The following FDX1 variants were observed in gnomAD, a reference collection of about 807,000 sequenced individuals.
The protein encoded by FDX1 is adrenodoxin, mitochondrial.
In FDX1, 9 loss-of-function variants were observed where a neutral mutation model predicts 14.9. The ratio of observed to expected loss-of-function variants is 0.60; its 90% confidence interval spans 0.36 to 1.05. The LOEUF is 1.05. FDX1 is among the 50% of genes least tolerant of loss of function. The pLI is 0.01. For synonymous variants in FDX1, 92 were observed against 99.4 expected (o/e 0.93, Z 0.44); for missense variants, 204 against 237.2 (o/e 0.86, Z 0.92).
At chr11:110,441,388 C>T (rs1273065086) in intron 2 of FDX1, among the ~76,000 whole-genome samples, 1 of 152,160 alleles carries the variant, frequency 6.6e-6, no homozygotes, top group East Asian at 1.9e-4. Flanking sequence ...TTGGAACTCC[C>T]TAGAGACTTG....
At chr11:110,434,324 C>T (rs979036483) in intron 1 of FDX1, among the ~76,000 whole-genome samples, 43 of 135,878 alleles carry the variant, frequency 3.2e-4, no homozygotes, top group African/African-American at 8.9e-4. Context: ...GAAAAGCAAT[C>T]GCCCTATTGA....
At chr11:110,430,525 T>G (rs1017725993) in intron 1 of FDX1, among the ~76,000 whole-genome samples, 3 of 152,106 alleles carry the variant, frequency 2.0e-5, no homozygotes, top group East Asian at 1.9e-4. Context: ...AGAGTTCCTT[T>G]CCGCATCACC....
chr11:110,444,913 G>A (rs188662991), intron 2 of FDX1, among the ~76,000 whole-genome samples: 86 of 151,298 alleles, frequency 5.7e-4, no homozygotes, highest in African/African-American at 1.8e-3. Flanking sequence ...GCCCTGAATC[G>A]TTTCCTGGGC....
In FDX1 at chr11:110,430,301, A is replaced by G; in HGVS notation, c.181A>G (p.Ser61Gly). 1 of 1,195,822 alleles carries G rather than the reference A, an allele frequency of 8.4e-7. No individual in the cohort carries two copies. 74.1% of individuals were successfully genotyped at this position (1,195,822 alleles called of 1,614,324 possible). A position where few individuals can be genotyped will look rare whatever the true frequency, so the allele number is the denominator to read the frequency against. The change falls in exon 1 of 4, where the codon AGC becomes GGC. Residue 61 changes from serine (S) to glycine (G), a missense_variant. Ser to Gly is a moderately conservative substitution (Grantham distance 56). Transcript: ENST00000260270. ...RSLSVSARAR[S>G]SSEDKITVHF... ...GCTGAGCGTGTCGGCGCGGGCCCGG[A>G]GCAGGTAGGGCGCCGTGCGGGCGCG...
At chr11:110,439,295 C>A (rs577424857) in intron 2 of FDX1, among the ~76,000 whole-genome samples, 3 of 152,116 alleles carry the variant, frequency 2.0e-5, no homozygotes, top group African/African-American at 7.2e-5. Flanking sequence ...GCACCCTTCA[C>A]CTCCTGGGTT....
chr11:110,437,755 G>A (rs1227820955), intron 2 of FDX1, among the ~76,000 whole-genome samples: 1 of 152,166 alleles, frequency 6.6e-6, no homozygotes, highest in Non-Finnish European at 1.5e-5. Context: ...TAGGCAGTAG[G>A]CTTAGAAACC....
At chr11:110,444,250 T>C (rs894070449) in intron 2 of FDX1, among the ~76,000 whole-genome samples, 1 of 151,884 alleles carries the variant, frequency 6.6e-6, no homozygotes, top group Non-Finnish European at 1.5e-5. Context: ...AGGTAGGGAG[T>C]CCAAGTTCAG....
chr11:110,431,496 C>G (rs1033519118), intron 1 of FDX1, among the ~76,000 whole-genome samples: 5 of 152,146 alleles, frequency 3.3e-5, no homozygotes, highest in African/African-American at 1.2e-4. Flanking sequence ...CTAGTGGGTG[C>G]TCCATACATT....
chr11:110,447,947 G>T (rs1020942358), intron 2 of FDX1, among the ~76,000 whole-genome samples: 5 of 152,188 alleles, frequency 3.3e-5, no homozygotes, highest in Non-Finnish European at 7.3e-5. Flanking sequence ...ATTCCTCATT[G>T]TATACGAAAT....
rs1393584162 is a variant in FDX1, at chr11:110,464,667, A to G, written c.*2199A>G. On this transcript the variant is annotated 3_prime_UTR_variant, in exon 4 of 4. Coordinates refer to ENST00000260270, the MANE Select transcript of FDX1 (RefSeq NM_004109.5). ...TATAATTTTAAAGTACTTCAAAGCCAATTTATTCTCTTAATTAGCTTCATT... is the reference window on the plus strand; with the variant it reads ...TATAATTTTAAAGTACTTCAAAGCCGATTTATTCTCTTAATTAGCTTCATT... 1 of 152,180 alleles carries G rather than the reference A, an allele frequency of 6.6e-6. No individual in the cohort carries two copies. Among genetic ancestry groups the G allele is most frequent in the Non-Finnish European group, 1.5e-5 (1 of 68,024 alleles). 9.4% of individuals were successfully genotyped at this position (152,180 alleles called of 1,614,324 possible). A position where few individuals can be genotyped will look rare whatever the true frequency, so the allele number is the denominator to read the frequency against.
At chr11:110,442,577 C>T (rs1946411768) in intron 2 of FDX1, among the ~76,000 whole-genome samples, 1 of 152,212 alleles carries the variant, frequency 6.6e-6, no homozygotes, top group Non-Finnish European at 1.5e-5. Context: ...TGACCGATTT[C>T]TCCCATTTGG....
intron 2 of FDX1, among the ~76,000 whole-genome samples, chr11:110,449,752 C>T (rs1946474317): frequency 6.6e-6 from 1 of 152,150 alleles, no homozygotes; most frequent in African/African-American, 2.4e-5. Context: ...CTCAGCCTTC[C>T]TAATAGCTGG....
At chr11:110,442,675 G>A (rs1946412312) in intron 2 of FDX1, among the ~76,000 whole-genome samples, 1 of 152,238 alleles carries the variant, frequency 6.6e-6, no homozygotes, top group Admixed American at 6.5e-5. Flanking sequence ...ATAGGCAGAA[G>A]GGACTTGCCT....
At chr11:110,429,880 C>T (rs529041218), upstream of FDX1, 15 of 322,702 alleles carry the variant, frequency 4.6e-5, no homozygotes, top group Non-Finnish European at 5.6e-5. Context: ...GACCGGGCGG[C>T]GTGGGCGTGA....
At position 110,429,997 on chromosome 11, in the gene FDX1, G is replaced by T. The variant is rs1591244347; in HGVS notation, c.-124G>T. 3.3e-6 allele frequency: 2 copies of T among 610,122 alleles called. No homozygotes were observed. The highest frequency in any genetic ancestry group is 4.7e-5 in the Admixed American group (1 of 21,374). The allele number at this position is 610,122 out of a possible 1,614,324, so 37.8% of individuals were successfully genotyped here. On this transcript the variant is annotated 5_prime_UTR_variant, in exon 1 of 4. Transcript: ENST00000260270. ...CCAGCAGGGTCTCTCCGCCACTCCA[G>T]CCCCGCGCCCCTCGCCGCGGCCCTC... is the stretch of plus-strand genomic sequence containing the variant.
chr11:110,444,394 T>G (rs1946424615), intron 2 of FDX1, among the ~76,000 whole-genome samples: 3 of 151,808 alleles, frequency 2.0e-5, no homozygotes. Flanking sequence ...GGCAGGCAGA[T>G]CACTTGAGGT....
chr11:110,446,495 C>T (rs1946450983), intron 2 of FDX1, among the ~76,000 whole-genome samples: 1 of 152,202 alleles, frequency 6.6e-6, no homozygotes, highest in African/African-American at 2.4e-5. Context: ...CCCTGATTTA[C>T]AGATCTAACT....
At chr11:110,451,653 A>G (rs974488730) in intron 2 of FDX1, among the ~76,000 whole-genome samples, 2 of 152,238 alleles carry the variant, frequency 1.3e-5, no homozygotes, top group Non-Finnish European at 2.9e-5. Context: ...TCATTGTAGC[A>G]CTATTCACAA....
chr11:110,449,497 TAAAC>T (rs1565383307), intron 2 of FDX1, among the ~76,000 whole-genome samples: 1 of 152,250 alleles, frequency 6.6e-6, no homozygotes, highest in African/African-American at 2.4e-5. Context: ...CTTAAGCTAA[TAAAC>T]ATATCCTTCA....
Sources: allele counts gnomAD v4.1 joint callset (sites outside exome capture counted in the v4.1 genomes callset), GRCh38; gene constraint gnomAD v4.1.1; transcripts MANE v1.5; gene names NCBI Gene and HGNC (gene_info 2026-07-23, HGNC 2026-07-21).